The following PPP2R2B variants were observed in gnomAD, a reference collection of about 807,000 sequenced individuals.
PPP2R2B encodes protein phosphatase 2 regulatory subunit Bbeta.
In PPP2R2B, 5 loss-of-function variants were observed where a neutral mutation model predicts 46.0. The ratio of observed to expected loss-of-function variants is 0.11; its 90% CI spans 0.06 to 0.23. The LOEUF (loss-of-function observed/expected upper bound fraction) is 0.23, where lower values mean the gene tolerates loss of function less well. Among genes scored for constraint, PPP2R2B ranks in the 10% least tolerant of loss-of-function variants. The pLI, the probability that PPP2R2B is intolerant of heterozygous loss-of-function variation, is 1.00. For synonymous variants in PPP2R2B, 215 were observed against 206.7 expected (o/e 1.04, Z -0.34); for missense variants, 367 against 575.0 (o/e 0.64, Z 3.70).
intron 2 of PPP2R2B, among the ~76,000 whole-genome samples, chr5:146,715,202 C>A (rs971726281): frequency 1.3e-5 from 2 of 152,182 alleles, no homozygotes; most frequent in Non-Finnish European, 2.9e-5. Flanking sequence ...GTGCCAGGAA[C>A]TTTCCAAGTG....
intron 9 of PPP2R2B, among the ~76,000 whole-genome samples, chr5:146,591,882 C>A (rs1246845015): frequency 6.6e-6 from 1 of 152,068 alleles, no homozygotes; most frequent in Non-Finnish European, 1.5e-5. Context: ...ACGATGGAAG[C>A]AATCTTGTTA....
intron 1 of PPP2R2B, among the ~76,000 whole-genome samples, chr5:146,990,275 A>C (rs943926355): frequency 6.6e-6 from 1 of 152,004 alleles, no homozygotes; most frequent in African/African-American, 2.4e-5. Flanking sequence ...ATTACCAAAT[A>C]AATTTTGAGC....
At chr5:146,927,343 C>T (rs1005863672) in intron 1 of PPP2R2B, among the ~76,000 whole-genome samples, 34 of 152,278 alleles carry the variant, frequency 2.2e-4, no homozygotes, top group African/African-American at 7.7e-4. Flanking sequence ...CCTTCATTTT[C>T]CCCTTTCACA....
intron 2 of PPP2R2B, among the ~76,000 whole-genome samples, chr5:146,714,361 G>A (rs1780371847): frequency 6.6e-6 from 1 of 152,090 alleles, no homozygotes; most frequent in African/African-American, 2.4e-5. Flanking sequence ...AGAGGAATTG[G>A]AGATGGTGAC....
chr5:146,836,307 A>AC (rs1759279821), intron 2 of PPP2R2B, among the ~76,000 whole-genome samples: 2 of 152,150 alleles, frequency 1.3e-5, no homozygotes, highest in Admixed American at 1.3e-4. Context: ...CTCCTGGGAA[A>AC]CCACTTACAA....
intron 1 of PPP2R2B, among the ~76,000 whole-genome samples, chr5:146,970,438 T>C (rs1315206257): frequency 6.6e-6 from 1 of 151,654 alleles, no homozygotes; most frequent in African/African-American, 2.4e-5. Context: ...CCATCTCTAC[T>C]AAAAAAAATT....
At chr5:146,788,321 T>C (rs1319379372) in intron 2 of PPP2R2B, among the ~76,000 whole-genome samples, 2 of 151,640 alleles carry the variant, frequency 1.3e-5, no homozygotes, top group East Asian at 3.9e-4. Context: ...TTTTTTTCTT[T>C]AGCACACCCT....
At chr5:146,782,130 C>T (rs1755569110) in intron 2 of PPP2R2B, among the ~76,000 whole-genome samples, 1 of 152,166 alleles carries the variant, frequency 6.6e-6, no homozygotes, top group Non-Finnish European at 1.5e-5. Flanking sequence ...TTTCCTGAGG[C>T]CTCCCCAGGA....
chr5:146,896,653 T>G (rs1463723596), intron 1 of PPP2R2B, among the ~76,000 whole-genome samples: 2 of 152,158 alleles, frequency 1.3e-5, no homozygotes, highest in African/African-American at 4.8e-5. Context: ...CGTAGACATT[T>G]TGTTGTTTAA....
chr5:146,936,207 G>A (rs1368208583), intron 1 of PPP2R2B, among the ~76,000 whole-genome samples: 3 of 152,092 alleles, frequency 2.0e-5, no homozygotes, highest in Non-Finnish European at 4.4e-5. Context: ...CTTATCTTTT[G>A]AGAGTTTAGC....
intron 2 of PPP2R2B, among the ~76,000 whole-genome samples, chr5:146,746,437 A>G (rs1324266913): frequency 6.6e-6 from 1 of 152,226 alleles, no homozygotes; most frequent in Non-Finnish European, 1.5e-5. Flanking sequence ...ACTGGGTGAC[A>G]GCCAGAATCA....
intron 2 of PPP2R2B, among the ~76,000 whole-genome samples, chr5:146,711,833 G>T: frequency 6.6e-6 from 1 of 152,132 alleles, no homozygotes; most frequent in East Asian, 1.9e-4. Context: ...GTTGGGGAAA[G>T]GTTGTTCAAA....
chr5:147,039,338 G>A (rs1756190009), intron 1 of PPP2R2B, among the ~76,000 whole-genome samples: 1 of 152,146 alleles, frequency 6.6e-6, no homozygotes, highest in Non-Finnish European at 1.5e-5. Context: ...GAGGTGGGTG[G>A]CAGTATTCAT....
rs145635767 is a variant in PPP2R2B, at chr5:146,671,427, C to G, written c.447+19701G>C. 2.6e-3 allele frequency among the ~76,000 whole-genome samples: 402 copies of G among 152,270 alleles called. 2 individuals carry two copies. The highest frequency in any genetic ancestry group is 9.6e-3 in the African/African-American group (397 of 41,542). On this transcript the variant is annotated intron_variant, in intron 5 of 9. Coordinates refer to ENST00000394411, the MANE Select transcript of PPP2R2B (RefSeq NM_181675.4). ...AAACAAATAGAGCTGGGATTCCTGT[C>G]TGGACACTGAAGGCCTCTGTCTCTC...
intron 2 of PPP2R2B, among the ~76,000 whole-genome samples, chr5:146,727,679 A>T (rs1046813328): frequency 3.3e-5 from 5 of 152,160 alleles, no homozygotes; most frequent in African/African-American, 9.7e-5. Context: ...AGAAATTTTA[A>T]AAAAATTATA....
intron 2 of PPP2R2B, among the ~76,000 whole-genome samples, chr5:146,865,760 T>C (rs973696833): frequency 2.0e-5 from 3 of 152,194 alleles, no homozygotes; most frequent in African/African-American, 7.2e-5. Flanking sequence ...GCTCACTTGT[T>C]AAAACAACAT....
At chr5:146,813,186 C>T (rs1214854975) in intron 2 of PPP2R2B, among the ~76,000 whole-genome samples, 3 of 151,320 alleles carry the variant, frequency 2.0e-5, no homozygotes, top group Non-Finnish European at 2.9e-5. Flanking sequence ...TGAAGCAGTG[C>T]CTAGTGCATA....
At chr5:146,970,002 G>A (rs1454917736) in intron 1 of PPP2R2B, among the ~76,000 whole-genome samples, 1 of 152,196 alleles carries the variant, frequency 6.6e-6, no homozygotes, top group African/African-American at 2.4e-5. Flanking sequence ...CCAAAGCCAC[G>A]TGTATGGATG....
intron 2 of PPP2R2B, among the ~76,000 whole-genome samples, chr5:147,061,746 T>A (rs1009565053): frequency 3.3e-5 from 5 of 152,034 alleles, no homozygotes; most frequent in Non-Finnish European, 5.9e-5. Context: ...GCTGCTACCA[T>A]GCAGCAGGGG....
Sources: allele counts gnomAD v4.1 joint callset (sites outside exome capture counted in the v4.1 genomes callset), GRCh38; gene constraint gnomAD v4.1.1; transcripts MANE v1.5; gene names NCBI Gene and HGNC (gene_info 2026-07-23, HGNC 2026-07-21).